Variants in ME1 observed in about 807,000 individuals in gnomAD.
ME1 encodes malic enzyme 1.
Under a neutral mutation model 66.4 loss-of-function variants are expected in ME1, and 74 were observed. That is an observed-to-expected ratio of 1.11 (90% confidence interval 0.92 to 1.35). The LOEUF (loss-of-function observed/expected upper bound fraction) is 1.35, where lower values mean the gene tolerates loss of function less well. ME1 is among the 40% of genes most tolerant of loss of function. The probability of loss-of-function intolerance (pLI) is 0.00; values close to 1 mark genes in which losing one functional copy is unlikely to be tolerated. For synonymous variants in ME1, 251 were observed against 235.6 expected (o/e 1.07, Z -0.60); for missense variants, 750 against 694.1 (o/e 1.08, Z -0.90).
intron 9 of ME1, among the ~76,000 whole-genome samples, chr6:83,237,378 AAGG>A: frequency 1.3e-5 from 2 of 148,376 alleles, no homozygotes; most frequent in African/African-American, 5.1e-5. Flanking sequence ...AAAGAAAAGG[AAGG>A]AAAGGAAGGA....
chr6:83,228,974 T>A, intron 9 of ME1, 43 bp from the exon 10 acceptor site: 1 of 1,312,822 alleles, frequency 7.6e-7, no homozygotes, highest in South Asian at 1.3e-5. Context: ...CTGCCAAACA[T>A]GTGAGGGTCA....
chr6:83,390,925 T>C (rs527615039), intron 3 of ME1, among the ~76,000 whole-genome samples: 22 of 152,182 alleles, frequency 1.4e-4, no homozygotes, highest in Admixed American at 1.1e-3. Flanking sequence ...AGTTTATATA[T>C]ATGTAAACAT....
At chr6:83,379,142 C>G (rs1769347107) in intron 3 of ME1, among the ~76,000 whole-genome samples, 1 of 151,976 alleles carries the variant, frequency 6.6e-6, no homozygotes, top group Non-Finnish European at 1.5e-5. Context: ...ATAAAGAAAC[C>G]ATACTACCAT....
chr6:83,296,930 C>T (rs1175426126), intron 6 of ME1, among the ~76,000 whole-genome samples: 1 of 152,130 alleles, frequency 6.6e-6, no homozygotes, highest in Non-Finnish European at 1.5e-5. Flanking sequence ...TTTCAACATT[C>T]AGGACTGGTT....
At chr6:83,277,303 C>T (rs1206484262) in intron 6 of ME1, among the ~76,000 whole-genome samples, 2 of 152,172 alleles carry the variant, frequency 1.3e-5, no homozygotes, top group African/African-American at 2.4e-5. Flanking sequence ...TCTTTTATAA[C>T]ATGAAACTCA....
At chr6:83,247,947 C>T (rs1003034958) in intron 7 of ME1, among the ~76,000 whole-genome samples, 8 of 152,100 alleles carry the variant, frequency 5.3e-5, no homozygotes, top group Non-Finnish European at 7.4e-5. Context: ...CCGAATTAGT[C>T]GTGAAAAACT....
intron 3 of ME1, among the ~76,000 whole-genome samples, chr6:83,353,811 C>T (rs186727867): frequency 6.6e-6 from 1 of 152,222 alleles, no homozygotes. Context: ...AAATGTTCTG[C>T]CCAGACCTAA....
chr6:83,267,479 C>T (rs982747547), intron 6 of ME1, among the ~76,000 whole-genome samples: 6 of 152,244 alleles, frequency 3.9e-5, no homozygotes, highest in African/African-American at 1.2e-4. Context: ...AAATAAAAAT[C>T]TGATAATTTT....
At chr6:83,215,069 T>G (rs1789964635) in intron 13 of ME1, among the ~76,000 whole-genome samples, 1 of 152,226 alleles carries the variant, frequency 6.6e-6, no homozygotes, top group South Asian at 2.1e-4. Context: ...AGATACATAT[T>G]AGTAGAATAT....
At chr6:83,366,089 T>TG (rs1206311491) in intron 3 of ME1, among the ~76,000 whole-genome samples, 3 of 152,216 alleles carry the variant, frequency 2.0e-5, no homozygotes, top group Non-Finnish European at 2.9e-5. Context: ...TGTCTCAGCT[T>TG]CTGCTACATC....
At chr6:83,377,146 A>G (rs1769311055) in intron 3 of ME1, among the ~76,000 whole-genome samples, 1 of 152,256 alleles carries the variant, frequency 6.6e-6, no homozygotes, top group South Asian at 2.1e-4. Context: ...AGACCATTTG[A>G]AAAATCTTGG....
rs1249940406 is a variant in ME1 at position 83,396,338 on chromosome 6, AAAGT to A, written c.362+2025_362+2028del. 1.1e-4 allele frequency among the ~76,000 whole-genome samples: 17 copies of A among 152,236 alleles called. No individual in the cohort carries two copies. In the East Asian group the frequency reaches 3.3e-3, roughly 29 times the overall value. ...AAGATCATGCCACTACACTCCAGAC[AAAGT>A]AAGATTGTCTCAAAACAATAATAAT... On this transcript the variant is annotated intron_variant, in intron 3 of 13. Transcript: ENST00000369705.
intron 1 of ME1, among the ~76,000 whole-genome samples, chr6:83,412,597 A>C (rs1359177618): frequency 1.3e-5 from 2 of 152,234 alleles, no homozygotes; most frequent in Non-Finnish European, 2.9e-5. Context: ...TTGAAACAAC[A>C]AAAGTCCTTC....
chr6:83,315,256 A>T, intron 6 of ME1, 54 bp downstream of exon 6: 1 of 1,063,088 alleles, frequency 9.4e-7, no homozygotes, highest in East Asian at 2.4e-5. Flanking sequence ...ATTTTTTAAT[A>T]GTCTGTTATG....
chr6:83,361,718 T>C (rs1204764434), intron 3 of ME1, among the ~76,000 whole-genome samples: 1 of 152,188 alleles, frequency 6.6e-6, no homozygotes, highest in Non-Finnish European at 1.5e-5. Context: ...AAACTGAACA[T>C]TTGACTATGG....
At chr6:83,274,289 C>T (rs1005107022) in intron 6 of ME1, among the ~76,000 whole-genome samples, 2 of 152,048 alleles carry the variant, frequency 1.3e-5, no homozygotes, top group African/African-American at 4.8e-5. Context: ...GATAAAAATA[C>T]TGCCTGAAGT....
chr6:83,216,421 A>G, intron 13 of ME1, 77 bp downstream of exon 13: 1 of 1,042,474 alleles, frequency 9.6e-7, no homozygotes, highest in Admixed American at 2.1e-5. Flanking sequence ...AAGGAAGCAG[A>G]TTTTTAATAT....
At chr6:83,314,771 AT>A (rs1387974294) in intron 6 of ME1, among the ~76,000 whole-genome samples, 2 of 152,192 alleles carry the variant, frequency 1.3e-5, no homozygotes, top group East Asian at 1.9e-4. Context: ...TTAATCAAAT[AT>A]TATAGATTTA....
chr6:83,393,399 C>T, intron 3 of ME1: 1 of 713,768 alleles, frequency 1.4e-6, no homozygotes. Flanking sequence ...AGTGTGGCTT[C>T]CAAGGAGTAA....
Sources: gnomAD v4.1 joint callset for allele counts (sites outside exome capture counted in the v4.1 genomes callset) on GRCh38, gnomAD v4.1.1 for gene constraint, MANE v1.5 for transcripts, NCBI Gene and HGNC (gene_info 2026-07-23, HGNC 2026-07-21) for gene names.